Variants in DYNLL1 observed in about 807,000 individuals in gnomAD.
DYNLL1 encodes dynein light chain LC8-type 1.
Under a neutral mutation model 10.1 loss-of-function variants are expected in DYNLL1, and 3 were observed. That is an observed-to-expected ratio of 0.30 (90% CI 0.14 to 0.77). The LOEUF is 0.77. Among genes scored for constraint, DYNLL1 ranks in the 30% least tolerant of loss-of-function variants. The pLI is 0.66. For missense variants in DYNLL1, 47 were observed against 111.7 expected, an observed-to-expected ratio of 0.42 and a Z score of 2.61; for synonymous variants, 46 against 41.2, an observed-to-expected ratio of 1.12 and a Z score of -0.45.
chr12:120,487,928 T>G (rs147737838), intron 1 of DYNLL1, among the ~76,000 whole-genome samples: 1,967 of 152,270 alleles, frequency 0.013, 21 homozygotes, highest in Non-Finnish European at 0.023. Context: ...AAAGGAAAAT[T>G]TGTTTTTCTT....
chr12:120,479,318 G>T (rs1878825177), intron 1 of DYNLL1, among the ~76,000 whole-genome samples: 1 of 151,096 alleles, frequency 6.6e-6, no homozygotes, highest in Non-Finnish European at 1.5e-5. Flanking sequence ...GACGGGCATG[G>T]TGGCACATGC....
At chr12:120,480,689 T>C (rs746059532) in intron 1 of DYNLL1, among the ~76,000 whole-genome samples, 1 of 152,170 alleles carries the variant, frequency 6.6e-6, no homozygotes, top group Non-Finnish European at 1.5e-5. Flanking sequence ...AATCTAGAAC[T>C]TTCCTTTGAG....
chr12:120,471,003 C>T (rs551291439), intron 1 of DYNLL1, among the ~76,000 whole-genome samples: 1 of 152,048 alleles, frequency 6.6e-6, no homozygotes, highest in South Asian at 2.1e-4. Flanking sequence ...CGAGATCATG[C>T]CACTGCACTT....
At chr12:120,474,491 C>T (rs1038483668) in intron 1 of DYNLL1, among the ~76,000 whole-genome samples, 1 of 150,838 alleles carries the variant, frequency 6.6e-6, no homozygotes, top group Non-Finnish European at 1.5e-5. Flanking sequence ...GTGATGAGTG[C>T]ATGAAAATCT....
At position 120,478,070 on chromosome 12, in the gene DYNLL1, G is replaced by A. The variant is rs551292460; in HGVS notation, c.-7+7966G>A. On this transcript the variant is annotated intron_variant, in intron 1 of 2. Transcript: ENST00000392509. ...GCCTCCCAAAGTGCTGGGATTACAG[G>A]CTTGAGCCACTGCACCCGGCCAAAA... 6.7e-5 allele frequency among the ~76,000 whole-genome samples: 10 copies of A among 150,320 alleles called. 1 individual carries two copies. The South Asian group carries it at 1.9e-3, about 29-fold the overall frequency.
At position 120,482,682 on chromosome 12, in the gene DYNLL1, GA is replaced by G. The variant is rs1203104814; in HGVS notation, c.-7+12588del. On this transcript the variant is annotated intron_variant, in intron 1 of 2. Coordinates refer to the DYNLL1 transcript ENST00000392509. ...GTACTAGATTAGCCAAAACAATTCT[GA>G]AAAAAAAAATAGTCAGAGGACTCAC... Among the ~76,000 whole-genome samples the G allele has an allele frequency of 9.5e-5, 14 of 147,654 alleles. No individual in the cohort carries two copies. In the East Asian group the frequency reaches 2.0e-3, roughly 21 times the overall value.
intron 1 of DYNLL1, among the ~76,000 whole-genome samples, chr12:120,479,462 A>AT (rs1555221132): frequency 8.8e-4 from 117 of 133,180 alleles, no homozygotes; most frequent in African/African-American, 3.1e-3. Flanking sequence ...AAAAAAAAAA[A>AT]AAAAAAAATA....
chr12:120,473,387 CT>C (rs1364770452), intron 1 of DYNLL1, among the ~76,000 whole-genome samples: 3 of 151,500 alleles, frequency 2.0e-5, no homozygotes, highest in Admixed American at 6.6e-5. Flanking sequence ...AGTGAGACCC[CT>C]ATCTCTACAA....
chr12:120,474,458 TC>T (rs1878714157), intron 1 of DYNLL1, among the ~76,000 whole-genome samples: 1 of 129,760 alleles, frequency 7.7e-6, no homozygotes. Context: ...AAAAAAAAAA[TC>T]CCAAAACCAA....
At position 120,472,441 on chromosome 12, in the gene DYNLL1, C is replaced by G. The variant is rs1488816367; in HGVS notation, c.-7+2337C>G. Among the ~76,000 whole-genome samples the G allele has an allele frequency of 3.3e-5, 5 of 152,142 alleles. No homozygotes were observed. In the East Asian group the frequency reaches 9.6e-4, roughly 29 times the overall value. ...GCCCTGGCCAAATATGATCTCGAGTCTAAGTGTGCAGCCTTATAGGAGCTT... is the reference window on the plus strand; with the variant it reads ...GCCCTGGCCAAATATGATCTCGAGTGTAAGTGTGCAGCCTTATAGGAGCTT... On this transcript the variant is annotated intron_variant, in intron 1 of 2. Coordinates refer to the DYNLL1 transcript ENST00000392509.
At chr12:120,473,900 G>T (rs1878701566) in intron 1 of DYNLL1, among the ~76,000 whole-genome samples, 1 of 151,876 alleles carries the variant, frequency 6.6e-6, no homozygotes. Context: ...AGCCTGGGAG[G>T]TTGAAGCTGT....
chr12:120,472,592 G>C (rs977015928), intron 1 of DYNLL1, among the ~76,000 whole-genome samples: 4 of 151,852 alleles, frequency 2.6e-5, no homozygotes, highest in African/African-American at 9.7e-5. Flanking sequence ...GACAAAAAAG[G>C]AAAAAAAAGT....
intron 1 of DYNLL1, among the ~76,000 whole-genome samples, chr12:120,476,610 GTTTT>G (rs1262425629): frequency 2.0e-5 from 3 of 152,032 alleles, no homozygotes; most frequent in Admixed American, 6.6e-5. Flanking sequence ...TGTTTGGGGG[GTTTT>G]TTTGTTTGTT....
At chr12:120,479,449 CAAAAAA>C (rs71076617) in intron 1 of DYNLL1, among the ~76,000 whole-genome samples, 30 of 76,094 alleles carry the variant, frequency 3.9e-4, no homozygotes, top group South Asian at 1.8e-3. Context: ...ACTCCGTCTC[CAAAAAA>C]AAAAAAAAAA....
At chr12:120,482,281 G>C (rs548650491) in intron 1 of DYNLL1, among the ~76,000 whole-genome samples, 1 of 152,166 alleles carries the variant, frequency 6.6e-6, no homozygotes, top group Non-Finnish European at 1.5e-5. Context: ...ATGCACTCCA[G>C]CCCGGGCAAC....
intron 2 of DYNLL1, chr12:120,496,781 G>A: frequency 7.8e-6 from 5 of 639,488 alleles, no homozygotes; most frequent in African/African-American, 1.8e-5. Context: ...CTCCGCGGGG[G>A]GAAAGCGCCA....
chr12:120,477,139 G>C (rs1878772712), intron 1 of DYNLL1, among the ~76,000 whole-genome samples: 1 of 152,128 alleles, frequency 6.6e-6, no homozygotes, highest in Non-Finnish European at 1.5e-5. Flanking sequence ...ATGTTGGCCA[G>C]GCTGGTCTCG....
intron 1 of DYNLL1, among the ~76,000 whole-genome samples, chr12:120,486,122 G>A (rs889149287): frequency 3.9e-5 from 6 of 152,172 alleles, no homozygotes; most frequent in African/African-American, 7.2e-5. Context: ...TTGAGTTTGA[G>A]AACAGCTGCA....
At chr12:120,473,505 G>C (rs556342512) in intron 1 of DYNLL1, among the ~76,000 whole-genome samples, 1 of 151,836 alleles carries the variant, frequency 6.6e-6, no homozygotes, top group South Asian at 2.1e-4. Flanking sequence ...GACCAGCCTG[G>C]TCAACATGGC....
Sources: gnomAD v4.1 joint callset for allele counts (sites outside exome capture counted in the v4.1 genomes callset) on GRCh38, gnomAD v4.1.1 for gene constraint, MANE v1.5 for transcripts, NCBI Gene and HGNC (gene_info 2026-07-23, HGNC 2026-07-21) for gene names.